SLC3A2: variants seen among roughly 807,000 people sequenced by gnomAD.
SLC3A2 encodes the protein amino acid transporter heavy chain SLC3A2.
Under a neutral mutation model 48.5 loss-of-function variants are expected in SLC3A2, and 32 were observed. That is an observed-to-expected ratio of 0.66 (90% confidence interval 0.50 to 0.89). The LOEUF (loss-of-function observed/expected upper bound fraction) is 0.89. Ranked by LOEUF, SLC3A2 falls within the 40% of genes least tolerant of loss-of-function variation. The probability of loss-of-function intolerance (pLI) is 0.00; values close to 1 mark genes in which losing one functional copy is unlikely to be tolerated. For missense variants in SLC3A2, 587 were observed against 680.7 expected (o/e 0.86, Z 1.53); for synonymous variants, 277 against 288.8 (o/e 0.96, Z 0.41).
chr11:62,883,068 C>A, intron 3 of SLC3A2, 69 bp downstream of exon 3: 1 of 1,421,572 alleles, frequency 7.0e-7, no homozygotes, highest in Non-Finnish European at 9.9e-7. Flanking sequence ...CACAGCAAGC[C>A]CTGTAGACCC....
exon 1 of SLC3A2, chr11:62,856,276 C>G: frequency 6.2e-7 from 1 of 1,610,956 alleles, no homozygotes; most frequent in South Asian, 1.1e-5. Context: ...CTCCATGGAG[C>G]TACAGCCTCC....
At chr11:62,856,312 A>T in exon 1 of SLC3A2, 1 of 1,613,636 alleles carries the variant, frequency 6.2e-7, no homozygotes, top group East Asian at 2.2e-5. Flanking sequence ...CGTCGTGTCG[A>T]TTCCGCGCCA....
At chr11:62,888,287 G>T (rs776070454) in intron 8 of SLC3A2, 44 bp from the exon 9 acceptor site, 28 of 1,609,784 alleles carry the variant, frequency 1.7e-5, no homozygotes, top group Non-Finnish European at 2.2e-5. Flanking sequence ...TCTGTACCCA[G>T]GGGAGCCCCT....
chr11:62,861,496 A>T (rs2085397892), intron 1 of SLC3A2, among the ~76,000 whole-genome samples: 1 of 152,170 alleles, frequency 6.6e-6, no homozygotes, highest in Non-Finnish European at 1.5e-5. Context: ...CCTGGGCTCA[A>T]GTGATTCTCC....
In SLC3A2 at chr11:62,881,745, C is replaced by T. The variant is rs1466538004; in HGVS notation, c.425-148C>T. 1 of 936,374 alleles carries T rather than the reference C, an allele frequency of 1.1e-6. No individual in the cohort carries two copies. Among genetic ancestry groups the T allele is most frequent in the Non-Finnish European group, 1.6e-6 (1 of 630,600 alleles). The allele number at this position is 936,374 out of a possible 1,614,324, so 58.0% of individuals were successfully genotyped here. A position where few individuals can be genotyped will look rare whatever the true frequency, so the allele number is the denominator to read the frequency against. On this transcript the variant is annotated intron_variant, in intron 1 of 8. Coordinates refer to ENST00000338663, the MANE Select transcript of SLC3A2 (RefSeq NM_001013251.3). The surrounding 1 kb of genome is among the most constrained non-coding windows in gnomAD (Gnocchi z 4.0). ...TAATGTGCAGGACTCCTTACATCAG[C>T]TCCTCTGAGTCTCGTGATTCAGCCT...
At chr11:62,869,950 T>C (rs1007195853) in intron 1 of SLC3A2, among the ~76,000 whole-genome samples, 1 of 150,992 alleles carries the variant, frequency 6.6e-6, no homozygotes, top group African/African-American at 2.4e-5. Context: ...GCCCAGCTAA[T>C]TTTTGTATTT....
At chr11:62,877,615 A>AGAAAAGCTGTCACTTGAGC (rs2085583884), upstream of SLC3A2, among the ~76,000 whole-genome samples, 1 of 152,100 alleles carries the variant, frequency 6.6e-6, no homozygotes, top group Non-Finnish European at 1.5e-5. Flanking sequence ...TGGGGAGTTG[A>AGAAAAGCTGTCACTTGAGC]GAAAAGCTGT....
chr11:62,884,389 T>A, intron 3 of SLC3A2, 68 bp from the exon 4 acceptor site: 1 of 1,565,980 alleles, frequency 6.4e-7, no homozygotes, highest in African/African-American at 1.4e-5. Flanking sequence ...AGGTTTAGTG[T>A]GGGCTGGAAT....
At chr11:62,864,159 C>A (rs2085428553) in intron 1 of SLC3A2, among the ~76,000 whole-genome samples, 1 of 152,188 alleles carries the variant, frequency 6.6e-6, no homozygotes, top group African/African-American at 2.4e-5. Flanking sequence ...GGATGTGATA[C>A]TGCTTTTGAT....
rs2085641565 is a variant in SLC3A2 at position 62,881,689 on chromosome 11, G to T, written c.425-204G>T. The stretch of plus-strand genomic sequence containing the variant: ...ACTCAGCGTCCTCCTTCCCCGCGGC[G>T]CCAGAAGCCAGTTGCAACCGGTTTC... On this transcript the variant is annotated intron_variant, in intron 1 of 8. Transcript: ENST00000338663. The surrounding 1 kb of genome is among the most constrained non-coding windows in gnomAD (Gnocchi z 4.0). The T allele has an allele frequency of 3.6e-6, 3 of 835,930 alleles. No homozygotes were observed. The highest frequency in any genetic ancestry group is 1.9e-5 in the South Asian group (1 of 53,954). 51.8% of individuals were successfully genotyped at this position (835,930 alleles called of 1,614,324 possible).
At chr11:62,873,781 T>C (rs2085542311) in intron 1 of SLC3A2, among the ~76,000 whole-genome samples, 1 of 151,900 alleles carries the variant, frequency 6.6e-6, no homozygotes, top group Non-Finnish European at 1.5e-5. Flanking sequence ...CATCAGTTAT[T>C]TGTTTTTTTG....
chr11:62,868,233 T>C (rs2134984157), intron 1 of SLC3A2, among the ~76,000 whole-genome samples: 1 of 151,968 alleles, frequency 6.6e-6, no homozygotes, highest in East Asian at 1.9e-4. Flanking sequence ...ATTTTTCAAA[T>C]TTCCAAATTT....
intron 1 of SLC3A2, among the ~76,000 whole-genome samples, chr11:62,867,636 CTTTAAATTTAATTTAATT>C (rs924049785): frequency 7.2e-5 from 11 of 151,810 alleles, no homozygotes; most frequent in African/African-American, 2.7e-4. Flanking sequence ...TTCCCTCTTT[CTTTAAATTTAATTTAATT>C]TTTAAAATTA....
chr11:62,874,933 T>A (rs1183431448), intron 1 of SLC3A2, among the ~76,000 whole-genome samples: 1 of 152,156 alleles, frequency 6.6e-6, no homozygotes, highest in African/African-American at 2.4e-5. Flanking sequence ...CGACTAATTT[T>A]TGTATTTTTA....
In SLC3A2 at chr11:62,858,557, T is replaced by TCGTTCCACA. The variant is rs1451690171; in HGVS notation, c.112+2177_112+2178insGTTCCACAC. On this transcript the variant is annotated intron_variant, in intron 1 of 9. Coordinates refer to the SLC3A2 transcript ENST00000377889. ...GCCCCTCCACACCTGTGGATGTTTC[T>TCGTTCCACA]CCTAAGGTGGAACGAGAGACTTAGG... is the stretch of plus-strand genomic sequence containing the variant. 3.0e-3 allele frequency among the ~76,000 whole-genome samples: 454 copies of TCGTTCCACA among 152,180 alleles called. 3 individuals carry two copies. The highest frequency in any genetic ancestry group is 9.4e-3 in the African/African-American group (389 of 41,508).
chr11:62,880,639 G>A (rs2085620640), upstream of SLC3A2: 1 of 180,346 alleles, frequency 5.5e-6, no homozygotes, highest in Non-Finnish European at 1.2e-5. Flanking sequence ...TCGGGATTTG[G>A]GGCAGGATCA....
At chr11:62,858,881 C>T (rs1347587709) in intron 1 of SLC3A2, among the ~76,000 whole-genome samples, 2 of 152,200 alleles carry the variant, frequency 1.3e-5, no homozygotes, top group South Asian at 2.1e-4. Flanking sequence ...TATTGCTGCC[C>T]GCAGATCCCA....
At chr11:62,860,222 C>G (rs2085384322) in intron 1 of SLC3A2, among the ~76,000 whole-genome samples, 1 of 152,112 alleles carries the variant, frequency 6.6e-6, no homozygotes, top group Non-Finnish European at 1.5e-5. Flanking sequence ...GCAGTATTGG[C>G]CGGGCGCGGT....
At position 62,884,456 on chromosome 11, in the gene SLC3A2, G is replaced by A. The variant is rs2085680186; in HGVS notation, c.691-1G>A. The A allele has an allele frequency of 6.2e-7, 1 of 1,614,164 alleles. No homozygotes were observed. On this transcript the variant is annotated splice_acceptor_variant, in intron 3 of 8. Transcript: ENST00000338663. LOFTEE classifies it high-confidence loss of function. Reference sequence around the variant, plus strand: ...GTCCTTTATTCTTCTGCCCCCTATAGGATGCTCTGGAGTTTTGGCTGCAAG... The same window carrying A: ...GTCCTTTATTCTTCTGCCCCCTATAAGATGCTCTGGAGTTTTGGCTGCAAG...
Sources: allele counts gnomAD v4.1 joint callset (sites outside exome capture counted in the v4.1 genomes callset), GRCh38; gene constraint gnomAD v4.1.1; non-coding constraint Gnocchi (gnomAD v3.1); transcripts MANE v1.5; gene names NCBI Gene and HGNC (gene_info 2026-07-23, HGNC 2026-07-21).